The following NRL variants were observed in gnomAD, a reference collection of about 807,000 sequenced individuals.
NRL encodes the protein neural retina-specific leucine zipper protein.
A neutral mutation model predicts 12.5 loss-of-function variants in NRL; 16 were observed. The ratio of observed to expected loss-of-function variants is 1.28; its 90% CI spans 0.87 to 1.95. NRL has a LOEUF of 1.95. NRL is among the 30% of genes most tolerant of loss of function. NRL has a pLI of 0.00. For missense variants in NRL, 314 were observed against 325.8 expected (o/e 0.96, Z 0.28); for synonymous variants, 142 against 150.9 (o/e 0.94, Z 0.43).
chr14:24,083,270 C>A (rs947775414), intron 1 of NRL, among the ~76,000 whole-genome samples: 2 of 152,162 alleles, frequency 1.3e-5, no homozygotes, highest in Non-Finnish European at 2.9e-5. Flanking sequence ...TTAACTGTGA[C>A]AAAGTGAGTG....
Position 24,079,483 on chromosome 14 carries a change from G to A in NRL, c.*1753C>T, listed in dbSNP as rs1044872811. Among the ~76,000 whole-genome samples, 1 of 152,204 alleles carries A rather than the reference G, an allele frequency of 6.6e-6. No individual in the cohort carries two copies. On this transcript the variant is annotated 3_prime_UTR_variant, in exon 3 of 3. Transcript: ENST00000561028. ...TCCAGAGCCAGAGAGGATGGCCAGT[G>A]GCCAATGGTGGGGAAGGGAGAGGAG...
In NRL at chr14:24,114,761, A is replaced by G; in HGVS notation, c.-67T>C. 1.0e-6 allele frequency: 1 copy of G among 985,962 alleles called. No homozygotes were observed. The highest frequency in any genetic ancestry group is 1.2e-6 in the Non-Finnish European group (1 of 829,956). 61.1% of individuals were successfully genotyped at this position (985,962 alleles called of 1,614,324 possible). A position where few individuals can be genotyped will look rare whatever the true frequency, so the allele number is the denominator to read the frequency against. ...GCTCCGCTGTCCAGTTGGCTGGCCA[A>G]GGGGGCGGGGCCGTCGTGTGACGTT... is the stretch of plus-strand genomic sequence containing the variant. On this transcript the variant is annotated 5_prime_UTR_variant, in exon 1 of 3. Transcript: ENST00000561028.
At chr14:24,110,924 TA>T (rs2037408786) in intron 1 of NRL, among the ~76,000 whole-genome samples, 1 of 152,228 alleles carries the variant, frequency 6.6e-6, no homozygotes. Context: ...ATGAGGTTAC[TA>T]AAAATAGACA....
chr14:24,101,747 C>T (rs185014915), intron 1 of NRL, among the ~76,000 whole-genome samples: 1 of 152,082 alleles, frequency 6.6e-6, no homozygotes, highest in African/African-American at 2.4e-5. Context: ...CATGGCAAAA[C>T]CCCGTCTCCA....
At position 24,081,266 on chromosome 14, in the gene NRL, C is replaced by G; in HGVS notation, c.684G>C (p.Gly228=). ...RCDRLTSSGP[G]SGDPSHLFL ...GGAAGAGGTGGGAGGGGTCCCCGGA[C>G]CCGGGGCCGCTCGAGGTTAGCCGGT... The change falls in exon 3 of 3, where the codon GGG becomes GGC. Residue 228 remains glycine (G), a synonymous_variant. Coordinates refer to ENST00000561028, the MANE Select transcript of NRL (RefSeq NM_001354768.3). The surrounding 1 kb of genome is among the most constrained non-coding windows in gnomAD (Gnocchi z 4.4). The G allele has an allele frequency of 6.6e-7, 1 of 1,505,898 alleles. No homozygotes were observed. The highest frequency in any genetic ancestry group is 8.9e-7 in the Non-Finnish European group (1 of 1,126,012). 93.3% of individuals were successfully genotyped at this position (1,505,898 alleles called of 1,614,324 possible). A position where few individuals can be genotyped will look rare whatever the true frequency, so the allele number is the denominator to read the frequency against.
intron 1 of NRL, among the ~76,000 whole-genome samples, chr14:24,095,536 C>A (rs901131633): frequency 6.6e-6 from 1 of 152,196 alleles, no homozygotes; most frequent in Non-Finnish European, 1.5e-5. Flanking sequence ...TGAGTCTGAG[C>A]TGCCAGCAAG....
chr14:24,086,842 G>C (rs898354833), intron 1 of NRL, among the ~76,000 whole-genome samples: 1 of 152,200 alleles, frequency 6.6e-6, no homozygotes, highest in African/African-American at 2.4e-5. Flanking sequence ...CTCAGACCAG[G>C]CACCACTAAA....
chr14:24,098,168 G>A (rs1318273439), intron 1 of NRL: 72 of 1,558,268 alleles, frequency 4.6e-5, no homozygotes, highest in Non-Finnish European at 6.3e-5. Context: ...GAAACCTGCT[G>A]GCCACCATCT....
rs2036791979 is a variant in NRL, at chr14:24,094,885, A to G, written c.-27-12010T>C. The G allele has an allele frequency of 7.9e-7, 1 of 1,258,232 alleles. No individual in the cohort carries two copies. Among genetic ancestry groups the G allele is most frequent in the Non-Finnish European group, 1.0e-6 (1 of 959,804 alleles). 77.9% of individuals were successfully genotyped at this position (1,258,232 alleles called of 1,614,324 possible). A position where few individuals can be genotyped will look rare whatever the true frequency, so the allele number is the denominator to read the frequency against. ...GGAGACTAAGCTCAGAGCCCCCTAAAGAAGGTGGAAGGTTAAATATCCATT... is the reference window on the plus strand; with the variant it reads ...GGAGACTAAGCTCAGAGCCCCCTAAGGAAGGTGGAAGGTTAAATATCCATT... On this transcript the variant is annotated intron_variant, in intron 1 of 2. Transcript: ENST00000561028. This position sits in a 1 kb window ranked among gnomAD's most constrained non-coding sequence, Gnocchi z 4.1.
intron 1 of NRL, chr14:24,102,800 G>A: frequency 6.2e-7 from 1 of 1,613,836 alleles, no homozygotes; most frequent in Non-Finnish European, 8.5e-7. Flanking sequence ...TTGTGCCCCG[G>A]CTCGCCAGTG....
In NRL at chr14:24,081,730, G is replaced by A; in HGVS notation, c.382-162C>T. On this transcript the variant is annotated intron_variant, in intron 2 of 2. Transcript: ENST00000561028. The surrounding 1 kb of genome is among the most constrained non-coding windows in gnomAD (Gnocchi z 4.4). ...CGCAGTCTGTTTCGGTCCAGAGCCC[G>A]CCCCAGGCCCCGACGCTCCCCGGGC... 1.3e-6 allele frequency: 2 copies of A among 1,521,316 alleles called. No homozygotes were observed. The highest frequency in any genetic ancestry group is 1.8e-6 in the Non-Finnish European group (2 of 1,140,340). The allele number at this position is 1,521,316 out of a possible 1,614,324, so 94.2% of individuals were successfully genotyped here.
At chr14:24,111,575 C>T (rs1400604577) in intron 1 of NRL, among the ~76,000 whole-genome samples, 2 of 151,980 alleles carry the variant, frequency 1.3e-5, no homozygotes, top group African/African-American at 4.8e-5. Context: ...CCATGTTGGC[C>T]AGGCTGGTCT....
rs777695433 is a variant in NRL at position 24,103,303 on chromosome 14, G to A, written c.-28+11419C>T. On this transcript the variant is annotated intron_variant, in intron 1 of 2. Transcript: ENST00000561028. ...CCTCTCCTGTGTGTGCACACAGCAC[G>A]TCCTCTCTCCCTTCCTGAGCCAGAC... is the stretch of plus-strand genomic sequence containing the variant. The A allele has an allele frequency of 2.1e-5, 31 of 1,445,568 alleles. No individual in the cohort carries two copies. In the East Asian group the frequency reaches 3.7e-4, roughly 17 times the overall value. The allele number at this position is 1,445,568 out of a possible 1,614,324, so 89.5% of individuals were successfully genotyped here. A position where few individuals can be genotyped will look rare whatever the true frequency, so the allele number is the denominator to read the frequency against.
intron 1 of NRL, among the ~76,000 whole-genome samples, chr14:24,113,708 A>G (rs1249009344): frequency 6.6e-6 from 1 of 152,236 alleles, no homozygotes; most frequent in Non-Finnish European, 1.5e-5. Context: ...AGCCCTGGTG[A>G]CAAGCTCAGG....
At position 24,108,203 on chromosome 14, in the gene NRL, C is replaced by T. The variant is rs139233079; in HGVS notation, c.-28+6519G>A. Among the ~76,000 whole-genome samples, 11 of 152,222 alleles carry T rather than the reference C, an allele frequency of 7.2e-5. 1 individual carries two copies. In the South Asian group the frequency reaches 1.2e-3, roughly 17 times the overall value. ...TCTGGCTTCTTTCAGGGGGAAATGG[C>T]GTTTTAAGACCACAATCTGGATGCT... On this transcript the variant is annotated intron_variant, in intron 1 of 2. Coordinates refer to ENST00000561028, the MANE Select transcript of NRL (RefSeq NM_001354768.3).
At chr14:24,105,658 C>T (rs1467543589) in intron 1 of NRL, among the ~76,000 whole-genome samples, 1 of 152,240 alleles carries the variant, frequency 6.6e-6, no homozygotes, top group African/African-American at 2.4e-5. Flanking sequence ...GTGGCTCATG[C>T]CTATAATCCC....
Position 24,099,054 on chromosome 14 carries a change from C to A in NRL, c.-28+15668G>T, listed in dbSNP as rs1284876011. ...CATGACCCCATTGTCCCCAGGGGAG[C>A]CAGTGAGCCAGTGGCCGTGCAACCC... On this transcript the variant is annotated intron_variant, in intron 1 of 2. Transcript: ENST00000561028. The A allele has an allele frequency of 3.8e-6, 6 of 1,598,912 alleles. No homozygotes were observed. The African/African-American group carries it at 6.7e-5, about 18-fold the overall frequency.
chr14:24,101,908 C>T (rs544175820), intron 1 of NRL, among the ~76,000 whole-genome samples: 14 of 151,800 alleles, frequency 9.2e-5, no homozygotes, highest in African/African-American at 2.7e-4. Context: ...AGTGAGACTC[C>T]GTCTCATAAC....
chr14:24,082,851 T>G lies in NRL; in HGVS notation c.-3A>C. ...AGGGGGCTGGGGGGCAGGGCCATTC[T>G]GGAGCTGGGCTGGGAGGAGTGCACC... On this transcript the variant is annotated 5_prime_UTR_variant, in exon 2 of 3. Transcript: ENST00000561028. 1 of 1,610,750 alleles carries G rather than the reference T, an allele frequency of 6.2e-7. No homozygotes were observed. Among genetic ancestry groups the G allele is most frequent in the Non-Finnish European group, 8.5e-7 (1 of 1,177,876 alleles).
Sources: allele counts gnomAD v4.1 joint callset (sites outside exome capture counted in the v4.1 genomes callset), GRCh38; gene constraint gnomAD v4.1.1; non-coding constraint Gnocchi (gnomAD v3.1); transcripts MANE v1.5; gene names NCBI Gene and HGNC (gene_info 2026-07-23, HGNC 2026-07-21).